The following CLIP2 variants were observed in gnomAD, a reference collection of about 807,000 sequenced individuals.
CLIP2 encodes the protein CAP-Gly domain containing linker protein 2.
CLIP2 carries 41 observed loss-of-function variants against 111.7 expected under a neutral mutation model. The observed-to-expected ratio is 0.37, with a 90% CI of 0.29 to 0.48. The LOEUF is 0.48. Among genes scored for constraint, CLIP2 ranks in the 20% least tolerant of loss-of-function variants. CLIP2 has a pLI of 0.99. For synonymous variants in CLIP2, 660 were observed against 644.2 expected (o/e 1.02, Z -0.37); for missense variants, 1,160 against 1,422.1 (o/e 0.82, Z 2.96).
At chr7:74,351,086 AAAG>A (rs1378806233) in intron 3 of CLIP2, among the ~76,000 whole-genome samples, 4 of 26,060 alleles carry the variant, frequency 1.5e-4, no homozygotes, top group East Asian at 6.5e-4. Flanking sequence ...AAAGAAAGAA[AAAG>A]AAGGAAGGGA....
intron 2 of CLIP2, among the ~76,000 whole-genome samples, chr7:74,326,988 C>T (rs974202432): frequency 1.6e-4 from 24 of 146,208 alleles, no homozygotes; most frequent in Admixed American, 8.9e-4. Context: ...TGGAGTGCAG[C>T]GGCACGATCT....
intron 15 of CLIP2, among the ~76,000 whole-genome samples, chr7:74,400,888 G>GA (rs1791600936): frequency 6.6e-6 from 1 of 151,376 alleles, no homozygotes; most frequent in Non-Finnish European, 1.5e-5. Flanking sequence ...TGTGAAGGGG[G>GA]AGGCAGCTCT....
chr7:74,325,127 G>A (rs1226052306), intron 2 of CLIP2, among the ~76,000 whole-genome samples: 1 of 152,210 alleles, frequency 6.6e-6, no homozygotes, highest in Admixed American at 6.6e-5. Flanking sequence ...TCCGGCAGAG[G>A]ATCTGGCCAA....
intron 3 of CLIP2, 22 bp downstream of exon 3, chr7:74,339,026 C>A: frequency 6.4e-7 from 1 of 1,573,404 alleles, no homozygotes; most frequent in South Asian, 1.1e-5. Flanking sequence ...CAGTACTGGG[C>A]TCTGGGCCCA....
intron 2 of CLIP2, 130 bp downstream of exon 2, chr7:74,317,797 C>T: frequency 8.6e-7 from 1 of 1,156,752 alleles, no homozygotes; most frequent in Non-Finnish European, 1.1e-6. Flanking sequence ...TCATGAGCTC[C>T]TGTAATGGGG....
At chr7:74,385,737 CTTTTTTTTTTT>C (rs869087670) in intron 11 of CLIP2, among the ~76,000 whole-genome samples, 2 of 117,724 alleles carry the variant, frequency 1.7e-5, no homozygotes, top group Non-Finnish European at 3.5e-5. Context: ...GTCGGGTCTT[CTTTTTTTTTTT>C]TTTTTTTTTT....
intron 1 of CLIP2, among the ~76,000 whole-genome samples, chr7:74,317,226 G>C (rs1371933333): frequency 6.6e-6 from 1 of 152,168 alleles, no homozygotes; most frequent in Non-Finnish European, 1.5e-5. Context: ...CTGCACACCA[G>C]GATATAAGAG....
In CLIP2 at chr7:74,338,844, C is replaced by A; in HGVS notation, c.518C>A (p.Ser173Ter). 1 of 1,610,200 alleles carries A rather than the reference C, an allele frequency of 6.2e-7. No homozygotes were observed. Residue 173 changes from serine to a stop codon, truncating the protein, a stop_gained, in exon 3 of 17, where the codon TCG (serine) becomes TAG (stop). Transcript: ENST00000223398. LOFTEE classifies it high-confidence loss of function. The surrounding 1 kb of genome is among the most constrained non-coding windows in gnomAD (Gnocchi z 4.3). ...ACTGCCCAGAACCTGTCATTGCATTCGGGCACGGCCACGCCCCCGCTGACC... is the reference window on the plus strand; with the variant it reads ...ACTGCCCAGAACCTGTCATTGCATTAGGGCACGGCCACGCCCCCGCTGACC... The part of the protein sequence containing the change: ...SLTAQNLSLH[S>*]GTATPPLTSR...
rs116133275 is a variant in CLIP2, at chr7:74,317,339, C to T, written c.-67-141C>T. On this transcript the variant is annotated intron_variant, in intron 1 of 16. Transcript: ENST00000223398. ...AGCGGGAATCTGGCCTGTGCGGCAA[C>T]GGGAGCAGTGAGCTGATAGGTTAAA... 752 of 479,262 alleles carry T rather than the reference C, an allele frequency of 1.6e-3. 4 individuals are homozygous for T. Among genetic ancestry groups the T allele is most frequent in the African/African-American group, 0.01 (525 of 50,110 alleles). 29.7% of individuals were successfully genotyped at this position (479,262 alleles called of 1,614,324 possible). A position where few individuals can be genotyped will look rare whatever the true frequency, so the allele number is the denominator to read the frequency against.
At chr7:74,397,626 C>G (rs141063028) in intron 14 of CLIP2, among the ~76,000 whole-genome samples, 15 of 147,392 alleles carry the variant, frequency 1.0e-4, no homozygotes, top group African/African-American at 3.0e-4. Context: ...ACTTGAAAGT[C>G]TACAGCAAGC....
At chr7:74,340,514 G>T (rs1442785673) in intron 3 of CLIP2, among the ~76,000 whole-genome samples, 1 of 152,156 alleles carries the variant, frequency 6.6e-6, no homozygotes, top group East Asian at 1.9e-4. Flanking sequence ...GAGAGAATTG[G>T]GTCACTGGAG....
chr7:74,389,916 TA>T (rs1219967955), intron 13 of CLIP2, among the ~76,000 whole-genome samples: 2 of 84,450 alleles, frequency 2.4e-5, no homozygotes, highest in Non-Finnish European at 5.0e-5. Context: ...ATAATAATAA[TA>T]AAGTTTTTTT....
intron 1 of CLIP2, among the ~76,000 whole-genome samples, chr7:74,296,184 CAAGG>C (rs1788164155): frequency 6.6e-6 from 1 of 151,788 alleles, no homozygotes. Flanking sequence ...ATCTACACGC[CAAGG>C]AGAGAGGCCT....
intron 13 of CLIP2, among the ~76,000 whole-genome samples, chr7:74,390,203 AAG>A (rs1491188270): frequency 2.0e-5 from 2 of 99,886 alleles, no homozygotes; most frequent in Non-Finnish European, 4.8e-5. Flanking sequence ...GAAAGAAAGA[AAG>A]AAAGAAAGAA....
intron 1 of CLIP2, among the ~76,000 whole-genome samples, chr7:74,304,451 G>A (rs910437430): frequency 6.0e-5 from 9 of 149,748 alleles, no homozygotes; most frequent in Non-Finnish European, 1.0e-4. Flanking sequence ...GTTTGAACCC[G>A]GGAGGTGGAG....
intron 3 of CLIP2, among the ~76,000 whole-genome samples, chr7:74,353,143 C>G (rs1554307859): frequency 6.6e-6 from 1 of 151,516 alleles, no homozygotes; most frequent in Non-Finnish European, 1.5e-5. Flanking sequence ...AGAGCAGGAC[C>G]CTATCTCAAA....
intron 1 of CLIP2, 94 bp downstream of exon 1, chr7:74,289,828 G>A (rs1173361892): frequency 6.6e-6 from 1 of 152,220 alleles, no homozygotes; most frequent in Non-Finnish European, 1.5e-5. Flanking sequence ...AAGCGGGGCT[G>A]CGGGCCCGGA....
intron 16 of CLIP2, among the ~76,000 whole-genome samples, chr7:74,403,330 G>C (rs1335918785): frequency 6.6e-6 from 1 of 152,078 alleles, no homozygotes; most frequent in Non-Finnish European, 1.5e-5. Flanking sequence ...CAGAACTTTG[G>C]GAGGCCGAGG....
intron 3 of CLIP2, 104 bp from the exon 4 acceptor site, chr7:74,353,776 G>A: frequency 6.6e-7 from 1 of 1,516,456 alleles, no homozygotes; most frequent in Non-Finnish European, 9.1e-7. Context: ...CGTGTCCTCT[G>A]CATGCTGGAA....
Sources: allele counts gnomAD v4.1 joint callset (sites outside exome capture counted in the v4.1 genomes callset), GRCh38; gene constraint gnomAD v4.1.1; non-coding constraint Gnocchi (gnomAD v3.1); transcripts MANE v1.5; gene names NCBI Gene and HGNC (gene_info 2026-07-23, HGNC 2026-07-21).